Variants in USP32 observed in about 807,000 individuals in gnomAD.
The protein encoded by USP32 is ubiquitin specific peptidase 32.
A neutral mutation model predicts 204.8 loss-of-function variants in USP32; 59 were observed. The ratio of observed to expected loss-of-function variants is 0.29; its 90% CI spans 0.23 to 0.36. USP32 has a LOEUF of 0.36. Among genes scored for constraint, USP32 ranks in the 10% least tolerant of loss-of-function variants. The pLI, the probability that USP32 is intolerant of heterozygous loss-of-function variation, is 1.00. For missense variants in USP32, 1,160 were observed against 1,946.4 expected (o/e 0.60, Z 7.60); for synonymous variants, 517 against 678.4 (o/e 0.76, Z 3.70).
At position 60,348,596 on chromosome 17, in the gene USP32, G is replaced by A. The variant is rs115136630; in HGVS notation, c.59-2988C>T. Among the ~76,000 whole-genome samples the A allele has an allele frequency of 9.5e-3, 1,441 of 152,126 alleles. 30 individuals are homozygous for A. The highest frequency in any genetic ancestry group is 0.033 in the African/African-American group (1,384 of 41,492). ...TAGAGACCACCCTAGGCAACATAGT[G>A]AGACCCTGTCTCTACAAAAACAGAA... is the stretch of plus-strand genomic sequence containing the variant. On this transcript the variant is annotated intron_variant, in intron 1 of 33. Transcript: ENST00000300896.
chr17:60,393,889 G>A (rs2089878027), upstream of USP32, among the ~76,000 whole-genome samples: 2 of 152,006 alleles, frequency 1.3e-5, no homozygotes, highest in Admixed American at 6.6e-5. Flanking sequence ...TCTCCATGTT[G>A]GTCAGGCTGT....
intron 2 of USP32, among the ~76,000 whole-genome samples, chr17:60,340,974 C>CT (rs752943992): frequency 4.6e-5 from 7 of 151,642 alleles, no homozygotes; most frequent in Non-Finnish European, 7.4e-5. Flanking sequence ...AAATTCTTTT[C>CT]TTTAAGAATG....
rs547654335 is a variant in USP32 at position 60,284,463 on chromosome 17, G to A, written c.571+4060C>T. On this transcript the variant is annotated intron_variant, in intron 5 of 33. Transcript: ENST00000300896. Reference sequence around the variant, plus strand: ...TCTCGAACTCCTAACCTTGTGATCCGCCCGCCTTGGCCTCCCAAAGTGCTG... The same window carrying A: ...TCTCGAACTCCTAACCTTGTGATCCACCCGCCTTGGCCTCCCAAAGTGCTG... Among the ~76,000 whole-genome samples, 5 of 151,466 alleles carry A rather than the reference G, an allele frequency of 3.3e-5. No individual in the cohort carries two copies. In the South Asian group the frequency reaches 6.2e-4, roughly 19 times the overall value.
chr17:60,273,100 G>C (rs1337107037), intron 5 of USP32, among the ~76,000 whole-genome samples: 1 of 152,116 alleles, frequency 6.6e-6, no homozygotes, highest in African/African-American at 2.4e-5. Flanking sequence ...AGCTTCCCAA[G>C]TAGCTGGGAT....
intron 2 of USP32, among the ~76,000 whole-genome samples, chr17:60,321,508 T>C (rs2088110832): frequency 6.6e-6 from 1 of 152,114 alleles, no homozygotes; most frequent in Non-Finnish European, 1.5e-5. Context: ...ACCAGGAAAT[T>C]ATCATCTCAA....
At chr17:60,328,416 C>T (rs1056355734) in intron 2 of USP32, among the ~76,000 whole-genome samples, 39 of 152,150 alleles carry the variant, frequency 2.6e-4, no homozygotes, top group African/African-American at 7.5e-4. Context: ...GAGAGCTGAA[C>T]ACTCTTCAGG....
Position 60,266,008 on chromosome 17 carries a change from C to T in USP32, c.895G>A (p.Val299Ile). The change falls in exon 8 of 34, where the codon GTC becomes ATC. Residue 299 changes from valine (V) to isoleucine (I), a missense_variant. Physicochemically the swap from Val to Ile is conservative, Grantham distance 29. This residue lies in a region of USP32 where 536 missense variants were observed against 680.9 expected (regional missense o/e 0.79). Transcript: ENST00000300896. Reference protein sequence around the residue: ...LRDMVVALLEVWKDNRTDDIP... With the variant: ...LRDMVVALLEIWKDNRTDDIP... ...TCATCAGTGCGGTTGTCCTTCCAGA[C>T]TTCTAAAAGTGCAACCACCATGTCT... is the stretch of plus-strand genomic sequence containing the variant. The T allele has an allele frequency of 1.2e-6, 2 of 1,614,046 alleles. No individual in the cohort carries two copies. Among genetic ancestry groups the T allele is most frequent in the Non-Finnish European group, 1.7e-6 (2 of 1,179,958 alleles).
intron 3 of USP32, among the ~76,000 whole-genome samples, chr17:60,300,642 A>G (rs1463231609): frequency 6.6e-6 from 1 of 152,248 alleles, no homozygotes; most frequent in East Asian, 1.9e-4. Context: ...CAAATAGACT[A>G]CTATGTCTAT....
intron 1 of USP32, among the ~76,000 whole-genome samples, chr17:60,409,299 A>G (rs8064622): frequency 0.22 from 33,354 of 152,202 alleles, 9,068 homozygotes; most frequent in African/African-American, 0.64. Context: ...AGTGAGCCGA[A>G]ATCATGCCAC....
In USP32 at chr17:60,236,243, G is replaced by A. The variant is rs769406363; in HGVS notation, c.1137-3C>T. Reference sequence around the variant, plus strand: ...TGCTCTCTCGTTCTAACCATCCTCTGTATGTACAAAAGAAATTAAATACAT... The same window carrying A: ...TGCTCTCTCGTTCTAACCATCCTCTATATGTACAAAAGAAATTAAATACAT... On this transcript the variant is annotated splice_polypyrimidine_tract_variant and splice_region_variant and intron_variant, in intron 11 of 33. Coordinates refer to ENST00000300896, the MANE Select transcript of USP32 (RefSeq NM_032582.4). 6.2e-7 allele frequency: 1 copy of A among 1,612,166 alleles called. No homozygotes were observed. The highest frequency in any genetic ancestry group is 1.1e-5 in the South Asian group (1 of 90,872).
At chr17:60,365,803 C>CAAAT (rs1280515409) in intron 1 of USP32, among the ~76,000 whole-genome samples, 4 of 152,028 alleles carry the variant, frequency 2.6e-5, no homozygotes, top group African/African-American at 9.7e-5. Context: ...ATGCCCAGAA[C>CAAAT]AAATATATAA....
At chr17:60,322,231 G>C (rs980379484) in intron 2 of USP32, among the ~76,000 whole-genome samples, 1 of 151,846 alleles carries the variant, frequency 6.6e-6, no homozygotes, top group Admixed American at 6.6e-5. Context: ...GGCTTGCCTC[G>C]AACTCCTAGG....
At chr17:60,229,890 T>A (rs1445450011) in intron 12 of USP32, among the ~76,000 whole-genome samples, 1 of 152,208 alleles carries the variant, frequency 6.6e-6, no homozygotes, top group Non-Finnish European at 1.5e-5. Flanking sequence ...GTTGGGTCAC[T>A]GCAACCTCTG....
rs191855417 is a variant in USP32, at chr17:60,365,849, C to A, written c.59-20241G>T. Among the ~76,000 whole-genome samples the A allele has an allele frequency of 2.2e-3, 340 of 152,262 alleles. 4 individuals carry two copies. Among genetic ancestry groups the A allele is most frequent in the African/African-American group, 7.7e-3 (321 of 41,554 alleles). ...AGAATAAATCTACCAAAGAGTTTGG[C>A]CTTGAATACAAACTTCTGCAAAGTG... On this transcript the variant is annotated intron_variant, in intron 1 of 33. Coordinates refer to ENST00000300896, the MANE Select transcript of USP32 (RefSeq NM_032582.4).
intron 24 of USP32, chr17:60,207,743 G>A (rs1464182164): frequency 4.6e-6 from 1 of 217,534 alleles, no homozygotes; most frequent in Non-Finnish European, 8.9e-6. Context: ...AAGGGTAATA[G>A]CAGCAGTCTT....
At chr17:60,392,355 G>C (rs1361462879), upstream of USP32, 2 of 271,594 alleles carry the variant, frequency 7.4e-6, no homozygotes, top group African/African-American at 4.7e-5. Context: ...CAGGAGCGCC[G>C]GGGAGGGGGA....
chr17:60,237,012 G>A (rs1164919013), intron 11 of USP32, among the ~76,000 whole-genome samples: 2 of 151,956 alleles, frequency 1.3e-5, no homozygotes, highest in African/African-American at 4.8e-5. Flanking sequence ...TTTGAAACTG[G>A]CAAGTCAATT....
intron 10 of USP32, 103 bp downstream of exon 10, chr17:60,255,070 TGG>T: frequency 3.1e-6 from 2 of 651,952 alleles, no homozygotes; most frequent in South Asian, 2.9e-5. Flanking sequence ...TTTTAATATA[TGG>T]TTTTGCAGCC....
chr17:60,373,195 G>T (rs989630308), intron 1 of USP32, among the ~76,000 whole-genome samples: 1 of 151,962 alleles, frequency 6.6e-6, no homozygotes, highest in African/African-American at 2.4e-5. Context: ...CCTGTCTCGA[G>T]ACAAAACTAA....
Sources: gnomAD v4.1 joint callset for allele counts (sites outside exome capture counted in the v4.1 genomes callset) on GRCh38, gnomAD v4.1.1 for gene constraint, gnomAD v4.1.1 regional missense constraint, MANE v1.5 for transcripts, NCBI Gene and HGNC (gene_info 2026-07-23, HGNC 2026-07-21) for gene names.